POLM: variants seen among roughly 807,000 people sequenced by gnomAD.
POLM encodes the protein DNA polymerase mu.
Under a neutral mutation model 56.7 loss-of-function variants are expected in POLM, and 52 were observed. The observed-to-expected ratio is 0.92, with a 90% CI of 0.73 to 1.15. POLM has a LOEUF of 1.15. Ranked by LOEUF, POLM falls within the 50% of genes most tolerant of loss-of-function variation. POLM has a pLI of 0.00. For missense variants in POLM, 660 were observed against 663.6 expected, an observed-to-expected ratio of 0.99 and a Z score of 0.06; for synonymous variants, 273 against 274.3, an observed-to-expected ratio of 1.00 and a Z score of 0.05.
In POLM at chr7:44,080,995, C is replaced by A; in HGVS notation, c.189-79G>T. Reference sequence around the variant, plus strand: ...GGTTGGCTCCAAGCCTTCACTCTTGCCGTCCCTTCTGCATGGTAAGTGACC... The same window carrying A: ...GGTTGGCTCCAAGCCTTCACTCTTGACGTCCCTTCTGCATGGTAAGTGACC... On this transcript the variant is annotated intron_variant, in intron 1 of 10. Coordinates refer to ENST00000242248, the MANE Select transcript of POLM (RefSeq NM_013284.4). 10 of 1,246,392 alleles carry A rather than the reference C, an allele frequency of 8.0e-6. No homozygotes were observed. In the South Asian group the frequency reaches 1.3e-4, roughly 16 times the overall value. 77.2% of individuals were successfully genotyped at this position (1,246,392 alleles called of 1,614,324 possible).
chr7:44,079,994 T>G, intron 2 of POLM, 35 bp from the exon 3 acceptor site: 1 of 1,485,222 alleles, frequency 6.7e-7, no homozygotes, highest in Non-Finnish European at 9.4e-7. Context: ...ACTGTGAGGC[T>G]GCAGGGCTGG....
At position 44,076,622 on chromosome 7, in the gene POLM, G is replaced by T; in HGVS notation, c.722C>A (p.Thr241Asn). ...CTTCACACCGACCCCGAAGATCTGGGTGAAGAGCTGTGGGGAAGGAGCGTA... is the reference window on the plus strand; with the variant it reads ...CTTCACACCGACCCCGAAGATCTGGTTGAAGAGCTGTGGGGAAGGAGCGTA... ...SERYQTMKLF[T>N]QIFGVGVKTA... The change falls in exon 6 of 11, where the codon ACC becomes AAC. Residue 241 changes from threonine (T) to asparagine (N), a missense_variant. By Grantham distance (65) the Thr-to-Asn change is moderately conservative. Transcript: ENST00000242248. 1 of 1,613,950 alleles carries T rather than the reference G, an allele frequency of 6.2e-7. No homozygotes were observed. Among genetic ancestry groups the T allele is most frequent in the Non-Finnish European group, 8.5e-7 (1 of 1,179,962 alleles).
chr7:44,073,907 G>T lies in POLM; in HGVS notation c.1190C>A (p.Pro397His). The change falls in exon 9 of 11, where the codon CCT becomes CAT. Residue 397 changes from proline to histidine, a missense_variant. By Grantham distance (77) the Pro-to-His change is moderately conservative (BLOSUM62 -2). Coordinates refer to ENST00000242248, the MANE Select transcript of POLM (RefSeq NM_013284.4). ...RSFCIFRLPQPPGAAVGGSTR... is the reference protein window; with the variant it reads ...RSFCIFRLPQHPGAAVGGSTR... ...GGATCCCCCCACAGCAGCCCCTGGA[G>T]GTTGTGGTAGGCGGAAAATGCAGAA... is the stretch of plus-strand genomic sequence containing the variant. The T allele has an allele frequency of 6.2e-7, 1 of 1,614,258 alleles. No individual in the cohort carries two copies. Among genetic ancestry groups the T allele is most frequent in the Non-Finnish European group, 8.5e-7 (1 of 1,180,044 alleles).
chr7:44,080,521 A>T lies in POLM; in HGVS notation c.372+212T>A, dbSNP rs12702064. The T allele has an allele frequency of 1.2e-3, 870 of 699,942 alleles. 3 individuals are homozygous for T. The highest frequency in any genetic ancestry group is 1.9e-3 in the South Asian group (129 of 66,910). 43.4% of individuals were successfully genotyped at this position (699,942 alleles called of 1,614,324 possible). Reference sequence around the variant, plus strand: ...CCCCAGAATTTGCATCAGTGGTGAGAACAGAAGCTGAGATGGCCTGGCCCC... The same window carrying T: ...CCCCAGAATTTGCATCAGTGGTGAGTACAGAAGCTGAGATGGCCTGGCCCC... On this transcript the variant is annotated intron_variant, in intron 2 of 10. Coordinates refer to ENST00000242248, the MANE Select transcript of POLM (RefSeq NM_013284.4).
rs921024011 is a variant in POLM at position 44,072,965 on chromosome 7, A to T, written c.*326T>A. 2.9e-6 allele frequency: 2 copies of T among 683,714 alleles called. No homozygotes were observed. The highest frequency in any genetic ancestry group is 1.8e-5 in the African/African-American group (1 of 55,746). 42.4% of individuals were successfully genotyped at this position (683,714 alleles called of 1,614,324 possible). On this transcript the variant is annotated 3_prime_UTR_variant, in exon 11 of 11. Coordinates refer to ENST00000242248, the MANE Select transcript of POLM (RefSeq NM_013284.4). ...CATCAGGGACCACTTGCCATTCATGACTGCAGGCCCCACCACAGCTCCACG... is the reference window on the plus strand; with the variant it reads ...CATCAGGGACCACTTGCCATTCATGTCTGCAGGCCCCACCACAGCTCCACG...
chr7:44,080,147 A>G (rs2096195585), intron 2 of POLM, among the ~76,000 whole-genome samples, 188 bp from the exon 3 acceptor site: 1 of 152,224 alleles, frequency 6.6e-6, no homozygotes, highest in African/African-American at 2.4e-5. Flanking sequence ...CAGGCTGTGC[A>G]TGGGGCTCCT....
In POLM at chr7:44,072,979, C is replaced by T; in HGVS notation, c.*312G>A. 1.2e-6 allele frequency: 1 copy of T among 820,378 alleles called. No homozygotes were observed. Among genetic ancestry groups the T allele is most frequent in the South Asian group, 2.1e-5 (1 of 46,554 alleles). The allele number at this position is 820,378 out of a possible 1,614,324, so 50.8% of individuals were successfully genotyped here. A position where few individuals can be genotyped will look rare whatever the true frequency, so the allele number is the denominator to read the frequency against. ...TGCCATTCATGACTGCAGGCCCCAC[C>T]ACAGCTCCACGATGTGGGCCCCACT... On this transcript the variant is annotated 3_prime_UTR_variant, in exon 11 of 11. Transcript: ENST00000242248.
At chr7:44,074,278 A>G (rs754264898) in intron 7 of POLM, 45 bp from the exon 8 acceptor site, 2 of 1,543,474 alleles carry the variant, frequency 1.3e-6, no homozygotes, top group Non-Finnish European at 8.8e-7. Flanking sequence ...CGGCCTGCTC[A>G]CTCCAGCCCC....
Position 44,072,759 on chromosome 7 carries a change from C to T in POLM, c.*532G>A. On this transcript the variant is annotated 3_prime_UTR_variant, in exon 11 of 11. Coordinates refer to ENST00000242248, the MANE Select transcript of POLM (RefSeq NM_013284.4). ...CTTCCTCCCAGCTCCTACCCAGGCC[C>T]TCTCCCTCTCCAGATGCCTACAGCA... 1 of 267,962 alleles carries T rather than the reference C, an allele frequency of 3.7e-6. No individual in the cohort carries two copies. The highest frequency in any genetic ancestry group is 6.6e-5 in the East Asian group (1 of 15,136). 16.6% of individuals were successfully genotyped at this position (267,962 alleles called of 1,614,324 possible).
intron 1 of POLM, among the ~76,000 whole-genome samples, 168 bp from the exon 2 acceptor site, chr7:44,081,084 C>T (rs2128804000): frequency 6.6e-6 from 1 of 152,350 alleles, no homozygotes; most frequent in South Asian, 2.1e-4. Flanking sequence ...GGTAGATGAA[C>T]ACCTCCACCA....
rs753452615 is a variant in POLM, at chr7:44,082,259, GT to G, written c.179del (p.Asp60AlafsTer11). ...LARSKGFRVLDACSSEATHVV... is the reference protein window; with the variant it reads ...LARSKGFRVLXACSSEATHVV... ...GCCGCGCCGCCCCGCACCTGCAGGC[GT>G]CAAGGACGCGGAAGCCTTTGGAGCG... On this transcript the variant is annotated frameshift_variant, in exon 1 of 11. Transcript: ENST00000242248. LOFTEE classifies it high-confidence loss of function. 9 of 1,492,416 alleles carry G rather than the reference GT, an allele frequency of 6.0e-6. No individual in the cohort carries two copies. The allele number at this position is 1,492,416 out of a possible 1,614,324, so 92.4% of individuals were successfully genotyped here. A position where few individuals can be genotyped will look rare whatever the true frequency, so the allele number is the denominator to read the frequency against.
At chr7:44,077,609 C>T (rs1310111898) in intron 5 of POLM, among the ~76,000 whole-genome samples, 2 of 152,206 alleles carry the variant, frequency 1.3e-5, no homozygotes, top group African/African-American at 4.8e-5. Flanking sequence ...ACTAACCTCA[C>T]ACCACTTCAA....
Position 44,082,330 on chromosome 7 carries a change from G to A in POLM, c.109C>T (p.Pro37Ser). The change falls in exon 1 of 11, where the codon CCT becomes TCT. Residue 37 changes from proline to serine, a missense_variant. Transcript: ENST00000242248. Reference protein sequence around the residue: ...FPGVAIYLVEPRMGRSRRAFL... With the variant: ...FPGVAIYLVESRMGRSRRAFL... ...GCCCGGCGGCTGCGACCCATGCGAG[G>A]CTCGACCAGGTAGATGGCGACTCCC... 6.4e-7 allele frequency: 1 copy of A among 1,561,478 alleles called. No individual in the cohort carries two copies. The highest frequency in any genetic ancestry group is 8.6e-7 in the Non-Finnish European group (1 of 1,160,838).
rs745946699 is a variant in POLM, at chr7:44,080,913, G to A, written c.192C>T (p.Ser64=). The A allele has an allele frequency of 1.5e-5, 24 of 1,560,872 alleles. No individual in the cohort carries two copies. The highest frequency in any genetic ancestry group is 1.1e-4 in the South Asian group (9 of 81,520). Residue 64 remains serine, a synonymous_variant, in exon 2 of 11, where the codon TCC becomes TCT. Transcript: ENST00000242248. Reference sequence around the variant, plus strand: ...CTTCCATCACAACATGTGTCGCTTCGGAGCTGGTGGAGGGAGTTGGGAGAG... The same window carrying A: ...CTTCCATCACAACATGTGTCGCTTCAGAGCTGGTGGAGGGAGTTGGGAGAG... ...KGFRVLDACS[S]EATHVVMEET... is the part of the protein sequence containing the mutation.
rs760583361 is a variant in POLM, at chr7:44,074,076, C to G, written c.1072-51G>C. ...AGACCATCCGGTGGTGTGGAGAGAG[C>G]AGGAGGCAGTGGCATTGGCCAGCGG... is the stretch of plus-strand genomic sequence containing the variant. On this transcript the variant is annotated intron_variant, in intron 8 of 10. Coordinates refer to ENST00000242248, the MANE Select transcript of POLM (RefSeq NM_013284.4). 32 of 1,607,540 alleles carry G rather than the reference C, an allele frequency of 2.0e-5. No individual in the cohort carries two copies. In the Admixed American group the frequency reaches 5.0e-4, roughly 25 times the overall value.
chr7:44,074,613 A>T (rs1373294922), intron 6 of POLM, 83 bp from the exon 7 acceptor site: 2 of 1,439,660 alleles, frequency 1.4e-6, no homozygotes, highest in Non-Finnish European at 1.8e-6. Flanking sequence ...GAGGTGATCA[A>T]CCTGGGGCCC....
Position 44,073,169 on chromosome 7 carries a change from C to T in POLM, c.*122G>A, listed in dbSNP as rs1205399994. The T allele has an allele frequency of 2.6e-6, 4 of 1,566,416 alleles. No individual in the cohort carries two copies. Among genetic ancestry groups the T allele is most frequent in the Admixed American group, 1.9e-5 (1 of 52,868 alleles). The stretch of plus-strand genomic sequence containing the variant: ...AGGCACAATTGACCTCCGGAAGAGC[C>T]AGGCCTTGGCGGGGAGGGGTGAAGG... On this transcript the variant is annotated 3_prime_UTR_variant, in exon 11 of 11. Transcript: ENST00000242248.
rs2096171474 is a variant in POLM, at chr7:44,072,565, C to T, written c.*726G>A. 1 of 152,454 alleles carries T rather than the reference C, an allele frequency of 6.6e-6. No homozygotes were observed. The allele number at this position is 152,454 out of a possible 1,614,324, so 9.4% of individuals were successfully genotyped here. On this transcript the variant is annotated 3_prime_UTR_variant, in exon 11 of 11. Transcript: ENST00000242248. ...AGTGGGGCTGGAGAGATGCCAGAGC[C>T]AGGGGCTATGTGTGGACTTAGGGTT...
intron 4 of POLM, among the ~76,000 whole-genome samples, chr7:44,079,151 A>G (rs991952275): frequency 2.0e-5 from 3 of 152,220 alleles, no homozygotes; most frequent in Non-Finnish European, 2.9e-5. Context: ...AGAACATGTG[A>G]ACTCAATACT....
Sources: gnomAD v4.1 joint callset for allele counts (sites outside exome capture counted in the v4.1 genomes callset) on GRCh38, gnomAD v4.1.1 for gene constraint, MANE v1.5 for transcripts, NCBI Gene and HGNC (gene_info 2026-07-23, HGNC 2026-07-21) for gene names.